The following PDCL2 variants were observed in gnomAD, a reference collection of about 807,000 sequenced individuals.
The protein encoded by PDCL2 is phosducin-like protein 2.
Under a neutral mutation model 30.3 loss-of-function variants are expected in PDCL2, and 23 were observed. The ratio of observed to expected loss-of-function variants is 0.76; its 90% CI spans 0.55 to 1.08. PDCL2 has a LOEUF of 1.08. Ranked by LOEUF, PDCL2 falls within the 50% of genes least tolerant of loss-of-function variation. The pLI, the probability that PDCL2 is intolerant of heterozygous loss-of-function variation, is 0.00. For missense variants in PDCL2, 243 were observed against 282.3 expected, an observed-to-expected ratio of 0.86 and a Z score of 1.00; for synonymous variants, 68 against 86.2, an observed-to-expected ratio of 0.79 and a Z score of 1.17.
chr4:55,580,986 AC>A, intron 2 of PDCL2, 75 bp from the exon 3 acceptor site: 1 of 907,368 alleles, frequency 1.1e-6, no homozygotes, highest in Non-Finnish European at 1.6e-6. Context: ...CTAGAAAAAA[AC>A]CGTCTTATAC....
At position 55,556,629 on chromosome 4, in the gene PDCL2, C is replaced by A; in HGVS notation, c.654G>T (p.Met218Ile). The A allele has an allele frequency of 6.4e-7, 1 of 1,572,742 alleles. No individual in the cohort carries two copies. Among genetic ancestry groups the A allele is most frequent in the Non-Finnish European group, 8.7e-7 (1 of 1,155,970 alleles). Residue 218 changes from methionine (M) to isoleucine (I), a missense_variant, in exon 6 of 6, where the codon ATG becomes ATT. Transcript: ENST00000295645. The part of the protein sequence containing the change: ...ENPRKDMVDM[M>I]VSSIRNTSIH... ...TAGAAGTGTTTCTAATTGAAGATAC[C>A]ATCATATCTACCATGTCTTTTCTGG...
chr4:55,582,152 T>C lies in PDCL2; in HGVS notation c.92A>G (p.Glu31Gly), dbSNP rs1732732977. Reference sequence around the variant, plus strand: ...TTTCTGTAAACGTAAAACCATTTCTTCAATTTCATCTTTTGACTCTTCTTT... The same window carrying C: ...TTTCTGTAAACGTAAAACCATTTCTCCAATTTCATCTTTTGACTCTTCTTT... ...PPKEESKDEI[E>G]EMVLRLQKEA... Residue 31 changes from glutamate to glycine, a missense_variant, in exon 2 of 6, where the codon GAA becomes GGA. Physicochemically the swap from Glu to Gly is moderately conservative, Grantham distance 98. Coordinates refer to ENST00000295645, the MANE Select transcript of PDCL2 (RefSeq NM_152401.3). The C allele has an allele frequency of 1.2e-6, 2 of 1,613,218 alleles. No individual in the cohort carries two copies. Among genetic ancestry groups the C allele is most frequent in the Non-Finnish European group, 8.5e-7 (1 of 1,179,736 alleles).
At chr4:55,576,962 A>G (rs576927380) in intron 3 of PDCL2, among the ~76,000 whole-genome samples, 6 of 152,084 alleles carry the variant, frequency 3.9e-5, no homozygotes, top group Admixed American at 2.0e-4. Flanking sequence ...CAGTGGCACA[A>G]TCTCGGCTCA....
intron 3 of PDCL2, among the ~76,000 whole-genome samples, chr4:55,571,603 C>T (rs1435507486): frequency 5.3e-5 from 3 of 56,448 alleles, no homozygotes; most frequent in Admixed American, 2.0e-4. Context: ...AGGAGAATCA[C>T]TTGAACCCGG....
At chr4:55,588,219 C>T (rs887355427) in intron 1 of PDCL2, among the ~76,000 whole-genome samples, 8 of 152,220 alleles carry the variant, frequency 5.3e-5, no homozygotes, top group Non-Finnish European at 1.0e-4. Context: ...ACACACCTCC[C>T]TCACAATTTG....
chr4:55,566,429 CT>C (rs59299412), intron 4 of PDCL2, among the ~76,000 whole-genome samples: 1,366 of 126,886 alleles, frequency 0.011, 6 homozygotes, highest in African/African-American at 0.027. Context: ...TCCTTTTTCT[CT>C]TTTTTTTTTT....
At chr4:55,590,459 C>CAA (rs60866606) in intron 1 of PDCL2, among the ~76,000 whole-genome samples, 39,104 of 95,452 alleles carry the variant, frequency 0.41, 8,601 homozygotes, top group African/African-American at 0.5. Flanking sequence ...ATCCTGTCTC[C>CAA]AAAAAAAAAA....
At chr4:55,563,077 G>T (rs2110153553) in intron 4 of PDCL2, among the ~76,000 whole-genome samples, 2 of 152,182 alleles carry the variant, frequency 1.3e-5, no homozygotes, top group South Asian at 4.2e-4. Context: ...CCAGTCTTTG[G>T]AATCCCACTC....
rs368959318 is a variant in PDCL2 at position 55,562,425 on chromosome 4, C to G, written c.550G>C (p.Gly184Arg). ...AKFIGIIECG[G>R]INLKLEELEW... ...TTACCTTCCAGCTTGAGATTTATCC[C>G]TCCACATTCTATAATTCCAATGAAT... The change falls in exon 5 of 6, where the codon GGG (glycine) becomes CGG (arginine). Residue 184 changes from glycine (G) to arginine (R), a missense_variant. Gly to Arg is a moderately radical substitution (Grantham distance 125). Coordinates refer to ENST00000295645, the MANE Select transcript of PDCL2 (RefSeq NM_152401.3). The G allele has an allele frequency of 5.5e-6, 8 of 1,445,700 alleles. No individual in the cohort carries two copies. The highest frequency in any genetic ancestry group is 7.3e-6 in the Non-Finnish European group (8 of 1,094,400). The allele number at this position is 1,445,700 out of a possible 1,614,324, so 89.6% of individuals were successfully genotyped here.
intron 3 of PDCL2, among the ~76,000 whole-genome samples, chr4:55,578,765 C>T (rs7665286): frequency 0.76 from 114,894 of 152,096 alleles, 43,783 homozygotes; most frequent in East Asian, 0.9. Context: ...CCTTGATCAT[C>T]TGCCTAAGAT....
rs189647927 is a variant in PDCL2, at chr4:55,585,956, T to C, written c.7-3719A>G. Among the ~76,000 whole-genome samples the C allele has an allele frequency of 2.7e-4, 41 of 152,246 alleles. 1 individual carries two copies. The highest frequency in any genetic ancestry group is 2.7e-3 in the Admixed American group (41 of 15,284). ...CTTAGTATAGCTAAGGTTTTGTTGA[T>C]TTTATATTTTCAAAAAACCAAAGAT... On this transcript the variant is annotated intron_variant, in intron 1 of 5. Coordinates refer to ENST00000295645, the MANE Select transcript of PDCL2 (RefSeq NM_152401.3).
At chr4:55,564,229 G>T (rs2110154101) in intron 4 of PDCL2, among the ~76,000 whole-genome samples, 1 of 152,310 alleles carries the variant, frequency 6.6e-6, no homozygotes, top group East Asian at 1.9e-4. Context: ...ACAGATATTT[G>T]TGGGGTGGGT....
intron 5 of PDCL2, among the ~76,000 whole-genome samples, chr4:55,561,856 T>C (rs540330253): frequency 6.6e-6 from 1 of 152,202 alleles, no homozygotes; most frequent in African/African-American, 2.4e-5. Flanking sequence ...AAATTAGATA[T>C]CATGCTAATA....
intron 1 of PDCL2, among the ~76,000 whole-genome samples, chr4:55,588,919 G>A (rs925096942): frequency 1.9e-4 from 28 of 150,590 alleles, no homozygotes; most frequent in Admixed American, 1.3e-3. Context: ...GTACAGTGGC[G>A]TGATCTGGGC....
At chr4:55,579,431 C>T (rs112034491) in intron 3 of PDCL2, among the ~76,000 whole-genome samples, 3 of 152,054 alleles carry the variant, frequency 2.0e-5, no homozygotes, top group African/African-American at 7.2e-5. Flanking sequence ...CCAGGTTCAG[C>T]GATTCTCCTG....
chr4:55,586,287 C>T (rs1732864130), intron 1 of PDCL2, among the ~76,000 whole-genome samples: 1 of 152,128 alleles, frequency 6.6e-6, no homozygotes, highest in Non-Finnish European at 1.5e-5. Context: ...CTCTGTTATT[C>T]ATTTCTGTAA....
intron 1 of PDCL2, among the ~76,000 whole-genome samples, chr4:55,588,417 GGACTCTCTTA>G (rs1732915362): frequency 6.6e-6 from 1 of 151,704 alleles, no homozygotes; most frequent in Non-Finnish European, 1.5e-5. Context: ...AAAGGATCAA[GGACTCTCTTA>G]TCTACTTCTG....
chr4:55,575,427 T>C (rs1333754889), intron 3 of PDCL2, among the ~76,000 whole-genome samples: 1 of 151,018 alleles, frequency 6.6e-6, no homozygotes, highest in Non-Finnish European at 1.5e-5. Context: ...TGGGATGATA[T>C]AAAGCAGACC....
intron 3 of PDCL2, among the ~76,000 whole-genome samples, chr4:55,574,689 T>C (rs1304492058): frequency 1.3e-5 from 2 of 152,242 alleles, no homozygotes; most frequent in Admixed American, 6.5e-5. Flanking sequence ...TCCTAGGCCC[T>C]GGTAACCAAT....
Sources: gnomAD v4.1 joint callset for allele counts (sites outside exome capture counted in the v4.1 genomes callset) on GRCh38, gnomAD v4.1.1 for gene constraint, MANE v1.5 for transcripts, NCBI Gene and HGNC (gene_info 2026-07-23, HGNC 2026-07-21) for gene names.